GJA5: variants seen among roughly 807,000 people sequenced by gnomAD.
GJA5 encodes the protein gap junction alpha-5 protein.
In GJA5, 3 loss-of-function variants were observed where a neutral mutation model predicts 7.9. The ratio of observed to expected loss-of-function variants is 0.38; its 90% CI spans 0.17 to 0.99. GJA5 has a LOEUF of 0.99. GJA5 is among the 50% of genes least tolerant of loss of function. GJA5 has a pLI of 0.38. For synonymous variants in GJA5, 193 were observed against 181.0 expected (o/e 1.07, Z -0.53); for missense variants, 390 against 457.9 (o/e 0.85, Z 1.35).
chr1:147,768,678 T>C (rs587760425), intron 1 of GJA5, among the ~76,000 whole-genome samples: 1 of 152,340 alleles, frequency 6.6e-6, no homozygotes, highest in East Asian at 1.9e-4. Context: ...GTAAGAGTGA[T>C]AACAACACTA....
At position 147,758,617 on chromosome 1, in the gene GJA5, T is replaced by A. The variant is rs1553226923; in HGVS notation, c.622A>T (p.Ile208Phe). Reference protein sequence around the residue: ...VSRPTEKNVFIVFMLAVAALS... With the variant: ...VSRPTEKNVFFVFMLAVAALS... ...GCAGCCACAGCCAGCATAAAGACAATGAAGACATTCTTCTCTGTGGGCCGG... is the reference window on the plus strand; with the variant it reads ...GCAGCCACAGCCAGCATAAAGACAAAGAAGACATTCTTCTCTGTGGGCCGG... Residue 208 changes from isoleucine (I) to phenylalanine (F), a missense_variant, in exon 2 of 2, where the codon ATT (isoleucine) becomes TTT (phenylalanine). Physicochemically the swap from Ile to Phe is conservative, Grantham distance 21 (BLOSUM62 0). Transcript: ENST00000579774. 1.2e-6 allele frequency: 2 copies of A among 1,614,052 alleles called. No homozygotes were observed. Among genetic ancestry groups the A allele is most frequent in the Non-Finnish European group, 1.7e-6 (2 of 1,179,988 alleles).
upstream of GJA5, among the ~76,000 whole-genome samples, chr1:147,764,546 C>T (rs587719089): frequency 7.2e-5 from 11 of 152,148 alleles, no homozygotes; most frequent in African/African-American, 1.9e-4. Flanking sequence ...TAAAATCGGC[C>T]GGGTGTGGTA....
upstream of GJA5, among the ~76,000 whole-genome samples, chr1:147,764,839 A>AG (rs1372397542): frequency 0.011 from 1,701 of 150,938 alleles, 34 homozygotes; most frequent in African/African-American, 0.039. Flanking sequence ...AAAAAAAAAA[A>AG]AAAATTAATA....
intron 1 of GJA5, among the ~76,000 whole-genome samples, chr1:147,771,997 A>G (rs1208217744): frequency 6.6e-6 from 1 of 152,192 alleles, no homozygotes; most frequent in African/African-American, 2.4e-5. Flanking sequence ...TGTAAAAGTC[A>G]GGTTAGAAGG....
intron 1 of GJA5, among the ~76,000 whole-genome samples, chr1:147,771,651 T>C (rs1553229117): frequency 6.6e-6 from 1 of 152,212 alleles, no homozygotes. Flanking sequence ...CAGGGCAGCC[T>C]GATTCTGTGA....
intron 1 of GJA5, among the ~76,000 whole-genome samples, chr1:147,766,367 A>G (rs1360551227): frequency 6.6e-6 from 1 of 152,190 alleles, no homozygotes; most frequent in Non-Finnish European, 1.5e-5. Context: ...TGCCAAATTG[A>G]TCAAGGCAAT....
At chr1:147,767,327 AGT>A (rs1430056293) in intron 1 of GJA5, among the ~76,000 whole-genome samples, 6 of 152,036 alleles carry the variant, frequency 3.9e-5, no homozygotes, top group Admixed American at 3.9e-4. Context: ...ACACTCTATA[AGT>A]GTCTTTCCAT....
chr1:147,769,813 A>G (rs1342166726), intron 1 of GJA5, among the ~76,000 whole-genome samples: 3 of 151,980 alleles, frequency 2.0e-5, no homozygotes, highest in African/African-American at 7.3e-5. Flanking sequence ...GCCCAATCAA[A>G]TTAAGCCACT....
Position 147,758,293 on chromosome 1 carries a change from G to T in GJA5, c.946C>A (p.Arg316Ser). The change falls in exon 2 of 2, where the codon CGT becomes AGT. Residue 316 changes from arginine to serine, a missense_variant. Transcript: ENST00000579774. ...GGCACCTCAGGCTTCTGGCCATAAC[G>T]AACCTGGATGAAACCTTCCCCAGGA... ...QTPGEGFIQV[R>S]YGQKPEVPNG... The T allele has an allele frequency of 6.2e-7, 1 of 1,614,072 alleles. No homozygotes were observed. The highest frequency in any genetic ancestry group is 8.5e-7 in the Non-Finnish European group (1 of 1,179,950).
chr1:147,765,933 C>T (rs1664185375), intron 1 of GJA5, among the ~76,000 whole-genome samples: 1 of 152,162 alleles, frequency 6.6e-6, no homozygotes, highest in African/African-American at 2.4e-5. Flanking sequence ...GTCTCTCCTG[C>T]TTAAGAAGGT....
chr1:147,758,862 G>A lies in GJA5; in HGVS notation c.377C>T (p.Pro126Leu), dbSNP rs782780433. ...EVRGSGSYEY[P>L]VAEKAELSCW... ...GGACAGTTCTGCCTTCTCTGCCACC[G>A]GGTACTCGTAAGAGCCAGAGCCCCG... Residue 126 changes from proline to leucine, a missense_variant, in exon 2 of 2, where the codon CCG becomes CTG. This residue lies in a region of GJA5 where 354 missense variants were observed against 370.9 expected (regional missense o/e 0.95). Coordinates refer to ENST00000579774, the MANE Select transcript of GJA5 (RefSeq NM_181703.4). The A allele has an allele frequency of 3.3e-5, 53 of 1,614,048 alleles. No homozygotes were observed. Among genetic ancestry groups the A allele is most frequent in the Non-Finnish European group, 4.1e-5 (48 of 1,180,026 alleles).
At chr1:147,761,084 T>C (rs1663990427), upstream of GJA5, among the ~76,000 whole-genome samples, 1 of 152,208 alleles carries the variant, frequency 6.6e-6, no homozygotes, top group Non-Finnish European at 1.5e-5. Flanking sequence ...ACCAGTGCCC[T>C]GAGGCCTCTG....
At chr1:147,759,303 G>A in intron 1 of GJA5, 32 bp from the exon 2 acceptor site, 1 of 1,078,402 alleles carries the variant, frequency 9.3e-7, no homozygotes, top group South Asian at 1.2e-5. Flanking sequence ...AGAGAGAAAA[G>A]AAGAAGGATG....
chr1:147,768,598 C>T (rs781999891), intron 1 of GJA5, among the ~76,000 whole-genome samples: 37 of 152,250 alleles, frequency 2.4e-4, no homozygotes, highest in Admixed American at 1.4e-3. Flanking sequence ...TAGAGCTGAA[C>T]GGAATGTAGA....
intron 1 of GJA5, among the ~76,000 whole-genome samples, chr1:147,769,996 C>T (rs1241184061): frequency 6.6e-6 from 1 of 151,722 alleles, no homozygotes; most frequent in Non-Finnish European, 1.5e-5. Flanking sequence ...AAGGCACACT[C>T]ACAATGAGAG....
rs1210467862 is a variant in GJA5, at chr1:147,756,327, T to A, written c.*1835A>T. ...CAAGAACACTCATTTCATAAAACATTTCAGAGATAGAAGGAGAGAAAATAT... is the reference window on the plus strand; with the variant it reads ...CAAGAACACTCATTTCATAAAACATATCAGAGATAGAAGGAGAGAAAATAT... On this transcript the variant is annotated 3_prime_UTR_variant, in exon 2 of 2. Transcript: ENST00000579774. 2 of 152,170 alleles carry A rather than the reference T, an allele frequency of 1.3e-5. No individual in the cohort carries two copies. Among genetic ancestry groups the A allele is most frequent in the East Asian group, 3.8e-4 (2 of 5,198 alleles). 9.4% of individuals were successfully genotyped at this position (152,170 alleles called of 1,614,324 possible). A position where few individuals can be genotyped will look rare whatever the true frequency, so the allele number is the denominator to read the frequency against.
At chr1:147,761,678 G>A (rs587704766), upstream of GJA5, among the ~76,000 whole-genome samples, 62 of 152,350 alleles carry the variant, frequency 4.1e-4, no homozygotes, top group African/African-American at 1.5e-3. Flanking sequence ...TGTGGAGCAT[G>A]TGCTCAAAAG....
chr1:147,768,187 T>C (rs587703081), intron 1 of GJA5, among the ~76,000 whole-genome samples: 133 of 152,310 alleles, frequency 8.7e-4, no homozygotes, highest in Non-Finnish European at 1.6e-3. Context: ...GATGAAGTAC[T>C]CACTTCAGTC....
In GJA5 at chr1:147,757,824, A is replaced by G. The variant is rs1663798578; in HGVS notation, c.*338T>C. On this transcript the variant is annotated 3_prime_UTR_variant, in exon 2 of 2. Coordinates refer to ENST00000579774, the MANE Select transcript of GJA5 (RefSeq NM_181703.4). ...CATTTGGTATGCTGCTGGTATGTAG[A>G]GAGAGAGTCATTCTATCCCTCTGGC... The G allele has an allele frequency of 2.7e-6, 1 of 370,064 alleles. No homozygotes were observed. Among genetic ancestry groups the G allele is most frequent in the African/African-American group, 2.1e-5 (1 of 48,420 alleles). 22.9% of individuals were successfully genotyped at this position (370,064 alleles called of 1,614,324 possible).
Sources: gnomAD v4.1 joint callset for allele counts (sites outside exome capture counted in the v4.1 genomes callset) on GRCh38, gnomAD v4.1.1 for gene constraint, gnomAD v4.1.1 regional missense constraint, MANE v1.5 for transcripts, NCBI Gene and HGNC (gene_info 2026-07-23, HGNC 2026-07-21) for gene names.